Variants in RSRC1 observed in about 807,000 individuals in gnomAD.
RSRC1 encodes arginine and serine rich coiled-coil 1.
Under a neutral mutation model 49.1 loss-of-function variants are expected in RSRC1, and 39 were observed. That is an observed-to-expected ratio of 0.79 (90% CI 0.61 to 1.04). The LOEUF (loss-of-function observed/expected upper bound fraction) is 1.04, where lower values mean the gene tolerates loss of function less well. Ranked by LOEUF, RSRC1 falls within the 50% of genes least tolerant of loss-of-function variation. RSRC1 has a pLI of 0.00. For missense variants in RSRC1, 388 were observed against 402.4 expected (o/e 0.96, Z 0.31); for synonymous variants, 143 against 130.8 (o/e 1.09, Z -0.63).
Position 158,540,621 on chromosome 3 carries a change from C to T in RSRC1, c.760-2714C>T, listed in dbSNP as rs1294301821. Among the ~76,000 whole-genome samples, 6 of 151,938 alleles carry T rather than the reference C, an allele frequency of 3.9e-5. No homozygotes were observed. The South Asian group carries it at 1.2e-3, about 32-fold the overall frequency. On this transcript the variant is annotated intron_variant, in intron 8 of 9. Coordinates refer to ENST00000611884, the MANE Select transcript of RSRC1 (RefSeq NM_001271838.2). ...CTTGATATCATCATCCCCAAAATAGCTCATAACTTGTCTCCTCTTCACAAT... is the reference window on the plus strand; with the variant it reads ...CTTGATATCATCATCCCCAAAATAGTTCATAACTTGTCTCCTCTTCACAAT...
At chr3:158,260,938 G>T (rs1724859423) in intron 4 of RSRC1, among the ~76,000 whole-genome samples, 1 of 152,176 alleles carries the variant, frequency 6.6e-6, no homozygotes, top group Non-Finnish European at 1.5e-5. Flanking sequence ...GCTGCTGGGG[G>T]TTCAGGGAAA....
chr3:158,192,058 T>A (rs1287052594), intron 3 of RSRC1, among the ~76,000 whole-genome samples: 3 of 152,084 alleles, frequency 2.0e-5, no homozygotes, highest in African/African-American at 7.2e-5. Context: ...TTGCATTTAC[T>A]ATTTTTTTCA....
At chr3:158,419,228 A>C (rs1734909288) in intron 6 of RSRC1, among the ~76,000 whole-genome samples, 1 of 152,014 alleles carries the variant, frequency 6.6e-6, no homozygotes, top group Non-Finnish European at 1.5e-5. Flanking sequence ...GTAGACTTCC[A>C]CAAAGATTTC....
At chr3:158,350,291 C>T (rs1293408360) in intron 5 of RSRC1, among the ~76,000 whole-genome samples, 1 of 151,634 alleles carries the variant, frequency 6.6e-6, no homozygotes, top group Non-Finnish European at 1.5e-5. Context: ...TATCTTCCCA[C>T]CTCAGTCTCT....
intron 4 of RSRC1, among the ~76,000 whole-genome samples, chr3:158,203,847 T>G (rs1721208571): frequency 6.6e-6 from 1 of 152,204 alleles, no homozygotes; most frequent in Non-Finnish European, 1.5e-5. Context: ...GATTCTAGTT[T>G]TGTCCATTTA....
intron 6 of RSRC1, among the ~76,000 whole-genome samples, chr3:158,397,145 G>A (rs568759455): frequency 2.6e-5 from 4 of 152,174 alleles, no homozygotes; most frequent in South Asian, 2.1e-4. Context: ...ATTAAATAAC[G>A]AGAGATGTAC....
At chr3:158,371,301 G>A (rs1479396285) in intron 6 of RSRC1, among the ~76,000 whole-genome samples, 1 of 151,416 alleles carries the variant, frequency 6.6e-6, no homozygotes, top group Non-Finnish European at 1.5e-5. Flanking sequence ...TTTAATTTTC[G>A]ACAAATGCAA....
intron 4 of RSRC1, among the ~76,000 whole-genome samples, chr3:158,252,204 T>C (rs1380622280): frequency 6.6e-6 from 1 of 151,620 alleles, no homozygotes; most frequent in African/African-American, 2.4e-5. Flanking sequence ...CTCTGTTGCC[T>C]AGACTGGAGT....
intron 6 of RSRC1, among the ~76,000 whole-genome samples, chr3:158,428,846 C>G (rs1217201828): frequency 6.6e-6 from 1 of 151,848 alleles, no homozygotes; most frequent in African/African-American, 2.4e-5. Flanking sequence ...AGGCTATCTA[C>G]TTGCTGCTTC....
At chr3:158,426,434 A>C (rs73172105) in intron 6 of RSRC1, among the ~76,000 whole-genome samples, 1 of 151,446 alleles carries the variant, frequency 6.6e-6, no homozygotes, top group South Asian at 2.1e-4. Context: ...GAGTAACTCT[A>C]GTGGTCAGTT....
intron 5 of RSRC1, among the ~76,000 whole-genome samples, chr3:158,300,780 A>G (rs750241027): frequency 6.6e-6 from 1 of 152,214 alleles, no homozygotes; most frequent in Non-Finnish European, 1.5e-5. Context: ...AGATTATCAT[A>G]GAGAGCATTG....
At chr3:158,147,352 C>G (rs1315780075) in intron 3 of RSRC1, among the ~76,000 whole-genome samples, 2 of 151,808 alleles carry the variant, frequency 1.3e-5, no homozygotes, top group Admixed American at 6.6e-5. Context: ...TTGATCCTCT[C>G]ATCTCAACCT....
chr3:158,152,926 A>G (rs1486686754), intron 3 of RSRC1, among the ~76,000 whole-genome samples: 1 of 152,228 alleles, frequency 6.6e-6, no homozygotes, highest in African/African-American at 2.4e-5. Context: ...TGATCTTAGT[A>G]GATCTAATAA....
At chr3:158,509,751 T>C (rs952315200) in intron 7 of RSRC1, among the ~76,000 whole-genome samples, 16 of 152,252 alleles carry the variant, frequency 1.1e-4, no homozygotes, top group African/African-American at 3.9e-4. Flanking sequence ...ACCATAGTGA[T>C]AGTACTGTCT....
chr3:158,154,704 C>A (rs1717754429), intron 3 of RSRC1, among the ~76,000 whole-genome samples: 1 of 152,106 alleles, frequency 6.6e-6, no homozygotes, highest in East Asian at 1.9e-4. Context: ...ACCTCATGAT[C>A]CGCCCACCTC....
chr3:158,495,870 T>C (rs1739297601), intron 7 of RSRC1, among the ~76,000 whole-genome samples: 1 of 152,246 alleles, frequency 6.6e-6, no homozygotes, highest in South Asian at 2.1e-4. Context: ...AAGCCTAAAA[T>C]ACTGTCTTGC....
At chr3:158,341,460 A>T (rs537804182) in intron 5 of RSRC1, among the ~76,000 whole-genome samples, 1 of 152,280 alleles carries the variant, frequency 6.6e-6, no homozygotes, top group Non-Finnish European at 1.5e-5. Flanking sequence ...CAGAGGGTGG[A>T]AGCCCCAAGC....
intron 6 of RSRC1, among the ~76,000 whole-genome samples, chr3:158,426,355 C>T (rs1253374963): frequency 6.6e-6 from 1 of 151,156 alleles, no homozygotes; most frequent in East Asian, 2.0e-4. Context: ...GTCTTTTAAA[C>T]CCTGCAAATC....
intron 3 of RSRC1, among the ~76,000 whole-genome samples, chr3:158,164,806 G>C (rs552573080): frequency 2.4e-4 from 36 of 152,150 alleles, no homozygotes; most frequent in African/African-American, 7.9e-4. Flanking sequence ...AAGAGAAGGG[G>C]CCAAAGCTAA....
Sources: allele counts gnomAD v4.1 joint callset (sites outside exome capture counted in the v4.1 genomes callset), GRCh38; gene constraint gnomAD v4.1.1; transcripts MANE v1.5; gene names NCBI Gene and HGNC (gene_info 2026-07-23, HGNC 2026-07-21).